PC: variants seen among roughly 807,000 people sequenced by gnomAD.
PC encodes pyruvate carboxylase.
PC carries 46 observed loss-of-function variants against 107.8 expected under a neutral mutation model. The observed-to-expected ratio is 0.43, with a 90% CI of 0.34 to 0.55. The LOEUF is 0.55. Among genes scored for constraint, PC ranks in the 20% least tolerant of loss-of-function variants. PC has a pLI of 0.04. For synonymous variants in PC, 662 were observed against 684.7 expected, an observed-to-expected ratio of 0.97 and a Z score of 0.52; for missense variants, 1,241 against 1,643.1, an observed-to-expected ratio of 0.76 and a Z score of 4.23.
At chr11:66,947,768 G>A (rs1949335197) in intron 3 of PC, among the ~76,000 whole-genome samples, 2 of 150,838 alleles carry the variant, frequency 1.3e-5, no homozygotes, top group East Asian at 2.0e-4. Context: ...GTCGAGACCA[G>A]CCTGGCCAAC....
chr11:66,891,814 A>G (rs1947587945), intron 3 of PC, among the ~76,000 whole-genome samples: 1 of 152,236 alleles, frequency 6.6e-6, no homozygotes, highest in South Asian at 2.1e-4. Context: ...CAACTGTTAT[A>G]TTGTTAGACT....
At chr11:66,859,214 G>A in intron 12 of PC, 2 of 1,273,104 alleles carry the variant, frequency 1.6e-6, no homozygotes, top group Non-Finnish European at 2.1e-6. Flanking sequence ...CCCCGACCAT[G>A]GCTGCTGGAC....
intron 3 of PC, among the ~76,000 whole-genome samples, chr11:66,884,542 C>T (rs966677878): frequency 1.3e-5 from 2 of 152,162 alleles, no homozygotes; most frequent in Non-Finnish European, 2.9e-5. Context: ...ACACAAATGT[C>T]CCATACATAT....
intron 3 of PC, among the ~76,000 whole-genome samples, chr11:66,911,544 A>G (rs1009185729): frequency 6.6e-5 from 10 of 152,176 alleles, no homozygotes; most frequent in African/African-American, 2.4e-4. Flanking sequence ...GTAAATAGCC[A>G]CTGCACTACA....
chr11:66,890,748 A>T (rs1947546059), intron 3 of PC, among the ~76,000 whole-genome samples: 1 of 151,452 alleles, frequency 6.6e-6, no homozygotes, highest in Non-Finnish European at 1.5e-5. Flanking sequence ...CAGGCGATCC[A>T]CCCACCTCAG....
intron 3 of PC, among the ~76,000 whole-genome samples, chr11:66,886,846 T>A (rs1299797227): frequency 6.6e-6 from 1 of 151,502 alleles, no homozygotes; most frequent in East Asian, 1.9e-4. Context: ...GACCTGGGAG[T>A]CATCCCAGCC....
chr11:66,856,299 C>CCG (rs912097138), intron 12 of PC, among the ~76,000 whole-genome samples: 4 of 152,236 alleles, frequency 2.6e-5, no homozygotes, highest in Admixed American at 6.5e-5. Context: ...GGAAGCCGCG[C>CCG]CGCGCAGACC....
chr11:66,868,349 T>C (rs1421954725), intron 10 of PC, among the ~76,000 whole-genome samples: 1 of 152,268 alleles, frequency 6.6e-6, no homozygotes, highest in African/African-American at 2.4e-5. Flanking sequence ...GACAGAATTA[T>C]GGCCTGGGGA....
intron 3 of PC, among the ~76,000 whole-genome samples, chr11:66,912,548 G>A (rs1170748821): frequency 6.6e-6 from 1 of 152,230 alleles, no homozygotes; most frequent in Non-Finnish European, 1.5e-5. Flanking sequence ...GTGACTGACA[G>A]CCGTAAAGGG....
intron 3 of PC, among the ~76,000 whole-genome samples, chr11:66,877,841 T>C (rs1374452363): frequency 6.6e-6 from 1 of 152,206 alleles, no homozygotes; most frequent in African/African-American, 2.4e-5. Context: ...CTCATGAAGT[T>C]TTTTTAAAGG....
chr11:66,922,678 T>C (rs74459573), intron 3 of PC, among the ~76,000 whole-genome samples: 23,264 of 151,826 alleles, frequency 0.15, 2,446 homozygotes, highest in Admixed American at 0.31. Context: ...ACTCTTTCAT[T>C]TCTGTCTCTG....
Position 66,919,056 on chromosome 11 carries a change from A to G in PC, c.-1+33374T>C, listed in dbSNP as rs189959893. 3.9e-5 allele frequency among the ~76,000 whole-genome samples: 6 copies of G among 152,280 alleles called. No homozygotes were observed. The East Asian group carries it at 1.2e-3, about 29-fold the overall frequency. On this transcript the variant is annotated intron_variant, in intron 3 of 22. Coordinates refer to ENST00000393960, the MANE Select transcript of PC (RefSeq NM_001040716.2). ...ATCCTGGGACTGTGGGCCCAGGTGG[A>G]TTACCTCAAGCTGTCTAGGTTAGCC...
At position 66,952,435 on chromosome 11, in the gene PC, G is replaced by T. The variant is rs1481295663; in HGVS notation, c.-6C>A. 5 of 152,344 alleles carry T rather than the reference G, an allele frequency of 3.3e-5. No homozygotes were observed. Among genetic ancestry groups the T allele is most frequent in the African/African-American group, 1.2e-4 (5 of 41,564 alleles). The allele number at this position is 152,344 out of a possible 1,614,324, so 9.4% of individuals were successfully genotyped here. ...GATTCAGGCACAGGACTTACCCTTAGTGTTTGGTCAGCTCTCCAGAAGGCA... is the reference window on the plus strand; with the variant it reads ...GATTCAGGCACAGGACTTACCCTTATTGTTTGGTCAGCTCTCCAGAAGGCA... On this transcript the variant is annotated 5_prime_UTR_variant, in exon 3 of 23. Transcript: ENST00000393960.
At chr11:66,873,421 A>G (rs1473499626) in intron 3 of PC, among the ~76,000 whole-genome samples, 1 of 84,474 alleles carries the variant, frequency 1.2e-5, no homozygotes, top group Non-Finnish European at 2.1e-5. Flanking sequence ...TATATATAAT[A>G]TATTATATAT....
At chr11:66,851,442 G>T (rs1945486617) in intron 16 of PC, among the ~76,000 whole-genome samples, 162 bp from the exon 17 acceptor site, 1 of 152,190 alleles carries the variant, frequency 6.6e-6, no homozygotes, top group African/African-American at 2.4e-5. Flanking sequence ...GGCCACACAA[G>T]TGTGGACCAG....
At chr11:66,854,433 G>A (rs781060272) in intron 12 of PC, among the ~76,000 whole-genome samples, 3 of 152,192 alleles carry the variant, frequency 2.0e-5, no homozygotes, top group Non-Finnish European at 4.4e-5. Context: ...GGAACCCTTG[G>A]GGGCAGGGTG....
chr11:66,862,856 C>A (rs1023188447), intron 12 of PC, among the ~76,000 whole-genome samples: 1 of 152,236 alleles, frequency 6.6e-6, no homozygotes, highest in Non-Finnish European at 1.5e-5. Flanking sequence ...CAGGTTGCCT[C>A]CCAAGCCTCC....
At chr11:66,949,645 C>G (rs552274853) in intron 3 of PC, among the ~76,000 whole-genome samples, 1 of 151,902 alleles carries the variant, frequency 6.6e-6, no homozygotes, top group South Asian at 2.1e-4. Flanking sequence ...GAGCCGAGAT[C>G]GCGACAGAGC....
At chr11:66,862,775 G>T (rs1310478716) in intron 12 of PC, among the ~76,000 whole-genome samples, 1 of 152,240 alleles carries the variant, frequency 6.6e-6, no homozygotes, top group Admixed American at 6.5e-5. Flanking sequence ...TACCCATTTA[G>T]AGTCCTCATG....
Sources: gnomAD v4.1 joint callset for allele counts (sites outside exome capture counted in the v4.1 genomes callset) on GRCh38, gnomAD v4.1.1 for gene constraint, MANE v1.5 for transcripts, NCBI Gene and HGNC (gene_info 2026-07-23, HGNC 2026-07-21) for gene names.